Variants in CNR2 observed in about 807,000 individuals in gnomAD.
CNR2 encodes the protein cannabinoid receptor 2 (macrophage).
For synonymous variants in CNR2, 172 were observed against 182.2 expected (o/e 0.94, Z 0.45); for missense variants, 379 against 439.9 (o/e 0.86, Z 1.24).
intron 1 of CNR2, among the ~76,000 whole-genome samples, chr1:23,895,997 T>C (rs1434586779): frequency 1.3e-5 from 2 of 152,204 alleles, no homozygotes; most frequent in African/African-American, 4.8e-5. Context: ...ATGCCTTCAT[T>C]GCTACCATTA....
At chr1:23,877,845 C>T (rs1159805968) in intron 1 of CNR2, among the ~76,000 whole-genome samples, 1 of 151,742 alleles carries the variant, frequency 6.6e-6, no homozygotes, top group Non-Finnish European at 1.5e-5. Context: ...CCTGTAATGC[C>T]AGCTACTCAG....
In CNR2 at chr1:23,874,699, G is replaced by C. The variant is rs773572627; in HGVS notation, c.919C>G (p.Arg307Gly). Residue 307 changes from arginine (R) to glycine (G), a missense_variant, in exon 2 of 2, where the codon CGC (arginine) becomes GGC (glycine). Arg to Gly is a moderately radical substitution (Grantham distance 125, BLOSUM62 -2). Coordinates refer to ENST00000374472, the MANE Select transcript of CNR2 (RefSeq NM_001841.3). ...GCCAGGCAGTGATGGGCAGAGGAGC[G>C]GATCTCTCCACTCCGTAGAGCATAG... The part of the protein sequence containing the change: ...VIYALRSGEI[R>G]SSAHHCLAHW... The C allele has an allele frequency of 1.2e-6, 2 of 1,614,120 alleles. No homozygotes were observed. The highest frequency in any genetic ancestry group is 1.7e-5 in the Admixed American group (1 of 60,012).
intron 1 of CNR2, among the ~76,000 whole-genome samples, chr1:23,882,521 T>A (rs1640008849): frequency 6.6e-6 from 1 of 152,068 alleles, no homozygotes; most frequent in African/African-American, 2.4e-5. Context: ...TAAATGCTGA[T>A]ACTATCAGGT....
intron 1 of CNR2, chr1:23,902,370 C>T: frequency 6.3e-7 from 1 of 1,586,322 alleles, no homozygotes; most frequent in Non-Finnish European, 8.6e-7. Flanking sequence ...CAGCAGGACG[C>T]AGGCGTTCTT....
At chr1:23,877,342 C>T (rs932829703) in intron 1 of CNR2, among the ~76,000 whole-genome samples, 10 of 152,080 alleles carry the variant, frequency 6.6e-5, no homozygotes, top group East Asian at 3.9e-4. Flanking sequence ...TGATCTAGAA[C>T]GTAGATCTGG....
At chr1:23,907,405 T>A (rs2148471635) in intron 1 of CNR2, among the ~76,000 whole-genome samples, 1 of 39,294 alleles carries the variant, frequency 2.5e-5, no homozygotes, top group Middle Eastern at 8.1e-3. Context: ...GGAGACCTTG[T>A]CTCAAAAAAA....
At chr1:23,899,627 C>T (rs929914941) in intron 1 of CNR2, among the ~76,000 whole-genome samples, 1 of 149,552 alleles carries the variant, frequency 6.7e-6, no homozygotes, top group East Asian at 2.0e-4. Context: ...CCAGCCTGGC[C>T]AACATGCTGA....
rs149860235 is a variant in CNR2 at position 23,909,729 on chromosome 1, G to A, written c.-46+3517C>T. Among the ~76,000 whole-genome samples the A allele has an allele frequency of 3.2e-3, 484 of 152,186 alleles. 4 individuals are homozygous for A. Among genetic ancestry groups the A allele is most frequent in the African/African-American group, 0.011 (452 of 41,510 alleles). On this transcript the variant is annotated intron_variant, in intron 1 of 1. Transcript: ENST00000374472. ...AATTTCCTCCCCAGCGCAGGTTCTC[G>A]GGTTGTCCATGTGATGGCATCTGAA...
At chr1:23,908,601 C>T (rs916925968) in intron 1 of CNR2, among the ~76,000 whole-genome samples, 2 of 152,136 alleles carry the variant, frequency 1.3e-5, no homozygotes, top group African/African-American at 4.8e-5. Flanking sequence ...AGTGGGAAGA[C>T]AGACTTGGGT....
chr1:23,899,904 A>C, intron 1 of CNR2, among the ~76,000 whole-genome samples: 1 of 4,566 alleles, frequency 2.2e-4, no homozygotes, highest in South Asian at 0.25. Context: ...AGAAAGAAAG[A>C]AAGAGAAAGA....
intron 1 of CNR2, among the ~76,000 whole-genome samples, chr1:23,909,811 G>A (rs1025500435): frequency 2.0e-5 from 3 of 152,070 alleles, no homozygotes; most frequent in African/African-American, 7.2e-5. Flanking sequence ...CCCCGAGCCT[G>A]CCCTGCATCT....
intron 1 of CNR2, among the ~76,000 whole-genome samples, chr1:23,877,617 G>T (rs1639909172): frequency 6.6e-6 from 1 of 150,570 alleles, no homozygotes; most frequent in South Asian, 2.1e-4. Flanking sequence ...ACTCCAGCCT[G>T]GGCAACAGAG....
chr1:23,902,189 T>G, intron 1 of CNR2: 3 of 1,372,000 alleles, frequency 2.2e-6, no homozygotes, highest in Admixed American at 1.7e-5. Flanking sequence ...AGGACGGCCT[T>G]GAAGACCACC....
At chr1:23,903,336 A>C (rs1388020675) in intron 1 of CNR2, among the ~76,000 whole-genome samples, 1 of 152,082 alleles carries the variant, frequency 6.6e-6, no homozygotes, top group African/African-American at 2.4e-5. Context: ...GCAATTTGGG[A>C]GGCTGAGGTG....
chr1:23,890,544 G>T (rs1640170711), intron 1 of CNR2, among the ~76,000 whole-genome samples: 2 of 151,792 alleles, frequency 1.3e-5, no homozygotes, highest in African/African-American at 4.8e-5. Flanking sequence ...TCCGGAGTTT[G>T]AGACCAGACT....
chr1:23,886,188 CAAAAA>C (rs71026697), intron 1 of CNR2, among the ~76,000 whole-genome samples: 13 of 130,412 alleles, frequency 1.0e-4, no homozygotes, highest in African/African-American at 2.6e-4. Context: ...GACTCTATTT[CAAAAA>C]AAAAAAAAAA....
chr1:23,888,971 AAAAT>A (rs960254388), intron 1 of CNR2, among the ~76,000 whole-genome samples: 4 of 152,152 alleles, frequency 2.6e-5, no homozygotes, highest in East Asian at 1.9e-4. Flanking sequence ...TCAGTTTAAA[AAAAT>A]AAATAAATAA....
At chr1:23,889,880 G>GGT (rs1640155262) in intron 1 of CNR2, among the ~76,000 whole-genome samples, 2 of 152,164 alleles carry the variant, frequency 1.3e-5, no homozygotes, top group Non-Finnish European at 2.9e-5. Context: ...ACAGATTAAT[G>GGT]ATACAAGTTT....
chr1:23,899,413 A>C (rs1640343646), intron 1 of CNR2, among the ~76,000 whole-genome samples: 1 of 151,974 alleles, frequency 6.6e-6, no homozygotes, highest in South Asian at 2.1e-4. Flanking sequence ...ACTTTGGGAG[A>C]AACTTAGTTT....
Sources: gnomAD v4.1 joint callset for allele counts (sites outside exome capture counted in the v4.1 genomes callset) on GRCh38, gnomAD v4.1.1 for gene constraint, MANE v1.5 for transcripts, NCBI Gene and HGNC (gene_info 2026-07-23, HGNC 2026-07-21) for gene names.